Variants in SMCO2 observed in about 807,000 individuals in gnomAD.
SMCO2 encodes the protein single-pass membrane protein with coiled-coil domains 2, also known as single-pass membrane and coiled-coil domain-containing protein 2.
SMCO2 carries 25 observed loss-of-function variants against 29.5 expected under a neutral mutation model. The observed-to-expected ratio is 0.85, with a 90% confidence interval of 0.62 to 1.18. The LOEUF is 1.18. Among genes scored for constraint, SMCO2 ranks in the 50% most tolerant of loss-of-function variants. The pLI is 0.00. For missense variants in SMCO2, 348 were observed against 344.5 expected, an observed-to-expected ratio of 1.01 and a Z score of -0.08; for synonymous variants, 117 against 123.3, an observed-to-expected ratio of 0.95 and a Z score of 0.34.
the SMCO2 span, among the ~76,000 whole-genome samples, chr12:27,454,328 T>C: frequency 6.6e-6 from 1 of 152,210 alleles, no homozygotes; most frequent in Non-Finnish European, 1.5e-5. Flanking sequence ...TGGGATTACA[T>C]AATGAGTATT....
chr12:27,471,887 T>G (rs1426303999), intron 2 of SMCO2, among the ~76,000 whole-genome samples: 1 of 152,332 alleles, frequency 6.6e-6, no homozygotes, highest in Non-Finnish European at 1.5e-5. Flanking sequence ...TCTATCAAAA[T>G]TTAGAATATA....
rs138366301 is a variant in SMCO2 at position 27,493,417 on chromosome 12, A to G, written c.451-883A>G. 6.5e-3 allele frequency among the ~76,000 whole-genome samples: 986 copies of G among 152,262 alleles called. 12 individuals are homozygous for G. The highest frequency in any genetic ancestry group is 0.022 in the African/African-American group (929 of 41,552). On this transcript the variant is annotated intron_variant, in intron 5 of 7. Transcript: ENST00000298876. ...CATGGTGGCACATGCCTATAGTCCC[A>G]ACTACTCAGGAGACTGAAGTGGGAA... is the stretch of plus-strand genomic sequence containing the variant.
chr12:27,474,767 C>G lies in SMCO2; in HGVS notation c.235-19C>G. On this transcript the variant is annotated intron_variant, in intron 3 of 7. Transcript: ENST00000298876. ...ACTAACCTTTTGTTCTGCTTTGCTT[C>G]CATCATCATCTTTACCAGGGTATGT... 6.4e-7 allele frequency: 1 copy of G among 1,551,200 alleles called. No homozygotes were observed. The highest frequency in any genetic ancestry group is 8.7e-7 in the Non-Finnish European group (1 of 1,146,544).
chr12:27,490,060 A>G (rs1949722675), intron 5 of SMCO2, among the ~76,000 whole-genome samples: 1 of 152,244 alleles, frequency 6.6e-6, no homozygotes, highest in African/African-American at 2.4e-5. Flanking sequence ...TTATGTACAC[A>G]TTAAAAGCAA....
the SMCO2 span, among the ~76,000 whole-genome samples, chr12:27,449,278 T>C: frequency 6.6e-6 from 1 of 152,254 alleles, no homozygotes; most frequent in African/African-American, 2.4e-5. Flanking sequence ...ATACTTGCTC[T>C]GATCTTTGCA....
chr12:27,480,039 C>G (rs372033330), intron 4 of SMCO2, among the ~76,000 whole-genome samples: 1 of 152,198 alleles, frequency 6.6e-6, no homozygotes, highest in African/African-American at 2.4e-5. Context: ...AGCCCTCAGT[C>G]TGTGGCTGCA....
the SMCO2 span, among the ~76,000 whole-genome samples, chr12:27,454,921 C>T: frequency 6.6e-6 from 1 of 152,118 alleles, no homozygotes; most frequent in Non-Finnish European, 1.5e-5. Flanking sequence ...TTTTTTATGG[C>T]TGCATAGTAT....
At chr12:27,453,443 T>G in the SMCO2 span, among the ~76,000 whole-genome samples, 5 of 152,192 alleles carry the variant, frequency 3.3e-5, no homozygotes, top group Admixed American at 3.3e-4. Context: ...TGGAACATTC[T>G]CTTATATATA....
At chr12:27,466,884 TG>T (rs1179751380) in exon 1 of SMCO2, 1 of 152,250 alleles carries the variant, frequency 6.6e-6, no homozygotes, top group African/African-American at 2.4e-5. Context: ...CTGGCACCAC[TG>T]GAACAGGAAA....
At chr12:27,444,624 A>G in the SMCO2 span, among the ~76,000 whole-genome samples, 1 of 152,316 alleles carries the variant, frequency 6.6e-6, no homozygotes, top group African/African-American at 2.4e-5. Flanking sequence ...CAAATAAAAA[A>G]CACAATGTGA....
At chr12:27,479,996 C>T (rs909198759) in intron 4 of SMCO2, among the ~76,000 whole-genome samples, 6 of 152,136 alleles carry the variant, frequency 3.9e-5, no homozygotes, top group Admixed American at 1.3e-4. Flanking sequence ...AGTCCAAGTC[C>T]AAAAGCCTCA....
At chr12:27,501,446 CA>C (rs1943077139) in intron 7 of SMCO2, among the ~76,000 whole-genome samples, 1 of 132,872 alleles carries the variant, frequency 7.5e-6, no homozygotes, top group African/African-American at 2.9e-5. Context: ...AACAAACAAA[CA>C]AAACAAAACA....
At chr12:27,442,336 CAAAT>C in the SMCO2 span, among the ~76,000 whole-genome samples, 4 of 152,032 alleles carry the variant, frequency 2.6e-5, no homozygotes, top group African/African-American at 9.6e-5. Flanking sequence ...GAAAGAGACT[CAAAT>C]AAATAAAATC....
chr12:27,496,499 T>C, intron 7 of SMCO2, among the ~76,000 whole-genome samples: 1 of 150,548 alleles, frequency 6.6e-6, no homozygotes, highest in Middle Eastern at 3.2e-3. Flanking sequence ...TCATAAGAAA[T>C]TTGAAAAGTT....
At chr12:27,428,721 C>T in the SMCO2 span, among the ~76,000 whole-genome samples, 1 of 151,748 alleles carries the variant, frequency 6.6e-6, no homozygotes, top group African/African-American at 2.4e-5. Context: ...ACTCCTGGCT[C>T]CTGGCTGACT....
At chr12:27,462,768 C>T (rs1461921886), upstream of SMCO2, among the ~76,000 whole-genome samples, 1 of 152,132 alleles carries the variant, frequency 6.6e-6, no homozygotes, top group African/African-American at 2.4e-5. Flanking sequence ...TATTACAAAC[C>T]CCTCCAGGGA....
At chr12:27,470,383 C>T (rs394412) in intron 1 of SMCO2, among the ~76,000 whole-genome samples, 19,887 of 152,100 alleles carry the variant, frequency 0.13, 1,566 homozygotes, top group African/African-American at 0.22. Flanking sequence ...GCATTCAAAG[C>T]GCACATTTAC....
the SMCO2 span, among the ~76,000 whole-genome samples, chr12:27,432,271 T>C: frequency 6.5e-4 from 99 of 152,318 alleles, no homozygotes; most frequent in African/African-American, 2.2e-3. Context: ...TTTGATGCAG[T>C]CCTACTTGTC....
the SMCO2 span, among the ~76,000 whole-genome samples, chr12:27,439,800 AAAAAAG>A: frequency 6.6e-6 from 1 of 152,150 alleles, no homozygotes; most frequent in African/African-American, 2.4e-5. Context: ...CATAGAGAAG[AAAAAAG>A]AAAAAGAAGA....
Sources: gnomAD v4.1 joint callset for allele counts (sites outside exome capture counted in the v4.1 genomes callset) on GRCh38, gnomAD v4.1.1 for gene constraint, MANE v1.5 for transcripts, NCBI Gene and HGNC (gene_info 2026-07-23, HGNC 2026-07-21) for gene names.